The following AFTPH variants were observed in gnomAD, a reference collection of about 807,000 sequenced individuals.
AFTPH encodes the protein aftiphilin protein.
AFTPH carries 7 observed loss-of-function variants against 72.5 expected under a neutral mutation model. The observed-to-expected ratio is 0.10, with a 90% CI of 0.05 to 0.18. The LOEUF is 0.18. Ranked by LOEUF, AFTPH falls within the 10% of genes least tolerant of loss-of-function variation. The pLI, the probability that AFTPH is intolerant of heterozygous loss-of-function variation, is 1.00. For missense variants in AFTPH, 979 were observed against 1,060.5 expected (o/e 0.92, Z 1.07); for synonymous variants, 337 against 370.1 (o/e 0.91, Z 1.03).
intron 7 of AFTPH, among the ~76,000 whole-genome samples, chr2:64,584,951 A>G (rs950666371): frequency 2.1e-4 from 32 of 152,326 alleles, no homozygotes; most frequent in African/African-American, 7.2e-4. Context: ...ACTTTGTGGT[A>G]GCTTCTAAAT....
chr2:64,570,378 A>G (rs1672342934), intron 5 of AFTPH, among the ~76,000 whole-genome samples: 1 of 152,238 alleles, frequency 6.6e-6, no homozygotes, highest in African/African-American at 2.4e-5. Flanking sequence ...AATCTTTGGT[A>G]TAGAATTTAT....
intron 7 of AFTPH, chr2:64,580,444 G>A (rs1055655257): frequency 3.9e-5 from 6 of 152,376 alleles, no homozygotes; most frequent in African/African-American, 1.5e-4. Context: ...TTTTGCTGTT[G>A]TCTGGTGTCT....
At chr2:64,576,006 T>C (rs985507435) in intron 6 of AFTPH, among the ~76,000 whole-genome samples, 25 of 150,610 alleles carry the variant, frequency 1.7e-4, no homozygotes, top group Non-Finnish European at 3.1e-4. Context: ...CCCAAAGTGC[T>C]GGGATTACAG....
At chr2:64,552,715 A>G in exon 2 of AFTPH, 3 of 1,614,186 alleles carry the variant, frequency 1.9e-6, no homozygotes, top group Non-Finnish European at 8.5e-7. Context: ...AGTGTAAAAA[A>G]TGGTGATAGT....
chr2:64,524,450 A>C (rs1344085464), exon 1 of AFTPH: 13 of 401,772 alleles, frequency 3.2e-5, no homozygotes, highest in Non-Finnish European at 8.8e-6. Context: ...CAGCGGTGAA[A>C]CTCCGGGTGG....
intron 1 of AFTPH, among the ~76,000 whole-genome samples, chr2:64,542,917 G>A (rs1670345288): frequency 6.6e-6 from 1 of 152,158 alleles, no homozygotes; most frequent in South Asian, 2.1e-4. Flanking sequence ...CATTTACTTA[G>A]TGCACAGAAT....
At chr2:64,572,592 T>G (rs946774799) in intron 5 of AFTPH, among the ~76,000 whole-genome samples, 10 of 152,254 alleles carry the variant, frequency 6.6e-5, no homozygotes, top group Admixed American at 6.5e-4. Context: ...TTCTGTACTT[T>G]AAAACCTCTG....
chr2:64,591,091 C>G (rs1171500383), intron 8 of AFTPH, among the ~76,000 whole-genome samples: 3 of 152,128 alleles, frequency 2.0e-5, no homozygotes, highest in African/African-American at 7.2e-5. Flanking sequence ...ATCATGTGCC[C>G]AATTTGAGGC....
At chr2:64,568,946 C>G in intron 3 of AFTPH, 146 bp from the exon 4 acceptor site, 2 of 888,504 alleles carry the variant, frequency 2.3e-6, no homozygotes. Context: ...AGTATTGGCT[C>G]TTGATTTCAT....
exon 8 of AFTPH, chr2:64,585,541 A>G: frequency 6.2e-7 from 1 of 1,607,326 alleles, no homozygotes; most frequent in Middle Eastern, 1.7e-4. Flanking sequence ...AAGCACATCT[A>G]CCAGGTAAAT....
At chr2:64,537,440 T>C (rs1208013183) in intron 1 of AFTPH, among the ~76,000 whole-genome samples, 1 of 152,130 alleles carries the variant, frequency 6.6e-6, no homozygotes, top group Non-Finnish European at 1.5e-5. Flanking sequence ...GTTTAAAAAA[T>C]TAAAAATTTT....
intron 8 of AFTPH, among the ~76,000 whole-genome samples, chr2:64,589,347 AC>A (rs772881381): frequency 9.2e-5 from 14 of 152,230 alleles, no homozygotes; most frequent in Non-Finnish European, 1.3e-4. Context: ...AAATTAAAAA[AC>A]AATTGATCAT....
At chr2:64,560,911 A>G (rs1054244736) in intron 2 of AFTPH, among the ~76,000 whole-genome samples, 2 of 152,206 alleles carry the variant, frequency 1.3e-5, no homozygotes, top group Non-Finnish European at 2.9e-5. Flanking sequence ...GAGGCAAATC[A>G]GAATTTGTGT....
intron 1 of AFTPH, among the ~76,000 whole-genome samples, chr2:64,549,630 C>G (rs1670907866): frequency 6.6e-6 from 1 of 151,944 alleles, no homozygotes; most frequent in African/African-American, 2.4e-5. Flanking sequence ...TTAAATCTGA[C>G]CTGTGGAACT....
chr2:64,567,467 T>C, intron 2 of AFTPH, 95 bp from the exon 3 acceptor site: 2 of 1,281,992 alleles, frequency 1.6e-6, no homozygotes, highest in Admixed American at 2.4e-5. Flanking sequence ...CTCACAGTAG[T>C]GGACAGGGTG....
Position 64,574,250 on chromosome 2 carries a change from A to G in AFTPH, c.2394+1182A>G, listed in dbSNP as rs182240154. The stretch of plus-strand genomic sequence containing the variant: ...GTCATTTTTAATTGTATCTAACACA[A>G]AAAGTGTATGCTTGGACAGCCTTTC... On this transcript the variant is annotated intron_variant, in intron 6 of 8. Transcript: ENST00000238856. 2.0e-3 allele frequency among the ~76,000 whole-genome samples: 305 copies of G among 152,328 alleles called. 1 individual carries two copies. The highest frequency in any genetic ancestry group is 3.3e-3 in the Non-Finnish European group (222 of 68,034).
At chr2:64,547,396 T>C (rs1670716892) in intron 1 of AFTPH, among the ~76,000 whole-genome samples, 1 of 152,228 alleles carries the variant, frequency 6.6e-6, no homozygotes, top group Non-Finnish European at 1.5e-5. Context: ...ATCCCAGAAG[T>C]GATCCTGTAT....
At chr2:64,556,836 G>A (rs1221742419) in intron 2 of AFTPH, among the ~76,000 whole-genome samples, 1 of 152,184 alleles carries the variant, frequency 6.6e-6, no homozygotes, top group Non-Finnish European at 1.5e-5. Context: ...GAACATTATT[G>A]AGAAATAGAT....
chr2:64,556,031 A>G (rs1408777069), intron 2 of AFTPH, among the ~76,000 whole-genome samples: 1 of 143,410 alleles, frequency 7.0e-6, no homozygotes, highest in Non-Finnish European at 1.5e-5. Flanking sequence ...TCTGTCACCC[A>G]GGCTGGAGTG....
Sources: gnomAD v4.1 joint callset for allele counts (sites outside exome capture counted in the v4.1 genomes callset) on GRCh38, gnomAD v4.1.1 for gene constraint, MANE v1.5 for transcripts, NCBI Gene and HGNC (gene_info 2026-07-23, HGNC 2026-07-21) for gene names.